The following KCNU1 variants were observed in gnomAD, a reference collection of about 807,000 sequenced individuals.
The protein encoded by KCNU1 is potassium channel subfamily U member 1.
In KCNU1, 93 loss-of-function variants were observed where a neutral mutation model predicts 126.8. That is an observed-to-expected ratio of 0.73 (90% confidence interval 0.62 to 0.87). KCNU1 has a LOEUF of 0.87. KCNU1 is among the 40% of genes least tolerant of loss of function. The pLI is 0.00. For synonymous variants in KCNU1, 523 were observed against 494.2 expected (o/e 1.06, Z -0.77); for missense variants, 1,330 against 1,367.1 (o/e 0.97, Z 0.43).
chr8:36,887,459 T>G (rs112406367), intron 19 of KCNU1, among the ~76,000 whole-genome samples: 16,007 of 149,896 alleles, frequency 0.11, 1,198 homozygotes, highest in Middle Eastern at 0.32. Flanking sequence ...TTTGTTTTTT[T>G]TTTTTTTTTT....
At chr8:36,884,736 G>A (rs1182207706) in intron 19 of KCNU1, among the ~76,000 whole-genome samples, 1 of 151,418 alleles carries the variant, frequency 6.6e-6, no homozygotes, top group Non-Finnish European at 1.5e-5. Flanking sequence ...ACAGAGTGAG[G>A]CTTCATCTCA....
intron 19 of KCNU1, among the ~76,000 whole-genome samples, chr8:36,887,085 G>A (rs573438902): frequency 4.6e-5 from 7 of 151,964 alleles, no homozygotes; most frequent in South Asian, 4.2e-4. Flanking sequence ...CTTTACAATT[G>A]TGAATTATGC....
At chr8:36,917,548 GTC>G (rs1463198214) in intron 22 of KCNU1, among the ~76,000 whole-genome samples, 1 of 151,220 alleles carries the variant, frequency 6.6e-6, no homozygotes, top group Non-Finnish European at 1.5e-5. Context: ...TAGAGAACAG[GTC>G]TCTCTATGTT....
chr8:36,791,644 C>T (rs1042628464), intron 2 of KCNU1, among the ~76,000 whole-genome samples: 1 of 152,070 alleles, frequency 6.6e-6, no homozygotes, highest in Admixed American at 6.6e-5. Context: ...ACAAATAAAG[C>T]ATCATAATTC....
chr8:36,927,258 T>G (rs905002832), intron 24 of KCNU1, among the ~76,000 whole-genome samples: 24 of 152,200 alleles, frequency 1.6e-4, no homozygotes, highest in African/African-American at 5.5e-4. Flanking sequence ...CCTCCAAACC[T>G]TCTGATACAG....
intron 20 of KCNU1, among the ~76,000 whole-genome samples, chr8:36,908,804 A>G (rs2117521908): frequency 6.6e-6 from 1 of 152,212 alleles, no homozygotes; most frequent in South Asian, 2.1e-4. Flanking sequence ...ACCCATAAAA[A>G]GGTAAATTCA....
chr8:36,844,145 G>A (rs1022112957), intron 16 of KCNU1, among the ~76,000 whole-genome samples: 3 of 152,140 alleles, frequency 2.0e-5, no homozygotes, highest in Non-Finnish European at 2.9e-5. Flanking sequence ...TTGGGAGGCC[G>A]AAGCAGGTGG....
intron 26 of KCNU1, among the ~76,000 whole-genome samples, chr8:36,934,910 A>G (rs2117625461): frequency 6.6e-6 from 1 of 152,150 alleles, no homozygotes; most frequent in East Asian, 1.9e-4. Flanking sequence ...AACGTTCACT[A>G]TTTGCTTGCC....
chr8:36,818,985 C>A (rs538882486), intron 10 of KCNU1, among the ~76,000 whole-genome samples: 40 of 152,220 alleles, frequency 2.6e-4, no homozygotes, highest in African/African-American at 9.6e-4. Flanking sequence ...TTATTATAAT[C>A]CAATTGAGAC....
chr8:36,854,998 C>T (rs1448435507), intron 18 of KCNU1, among the ~76,000 whole-genome samples: 1 of 152,070 alleles, frequency 6.6e-6, no homozygotes, highest in African/African-American at 2.4e-5. Flanking sequence ...CAGTCTTTGT[C>T]AAAGGATTCT....
intron 19 of KCNU1, among the ~76,000 whole-genome samples, chr8:36,902,657 C>T (rs1807464352): frequency 6.6e-6 from 1 of 152,056 alleles, no homozygotes; most frequent in Admixed American, 6.6e-5. Flanking sequence ...GGAAGCGACT[C>T]TTAGATAGAA....
In KCNU1 at chr8:36,835,218, T is replaced by C. The variant is rs187952864; in HGVS notation, c.1295+350T>C. ...TCTCCTCAAAAATGAAGATGCAATTTTATGAACCCTATTAGTGCACGTTAT... is the reference window on the plus strand; with the variant it reads ...TCTCCTCAAAAATGAAGATGCAATTCTATGAACCCTATTAGTGCACGTTAT... On this transcript the variant is annotated intron_variant, in intron 12 of 26. Transcript: ENST00000399881. Among the ~76,000 whole-genome samples the C allele has an allele frequency of 1.3e-4, 20 of 152,336 alleles. No homozygotes were observed. The East Asian group carries it at 3.7e-3, about 28-fold the overall frequency.
At chr8:36,906,886 G>T (rs1032033369) in intron 20 of KCNU1, among the ~76,000 whole-genome samples, 16 of 152,078 alleles carry the variant, frequency 1.1e-4, no homozygotes, top group Admixed American at 1.0e-3. Flanking sequence ...ATAAACATCC[G>T]TTGAGCAGGA....
chr8:36,885,794 A>G (rs1287829612), intron 19 of KCNU1, among the ~76,000 whole-genome samples: 1 of 152,148 alleles, frequency 6.6e-6, no homozygotes, highest in African/African-American at 2.4e-5. Context: ...CTCTGTCTAA[A>G]AAAAAAGAAA....
At chr8:36,816,049 T>C (rs1803897651) in intron 9 of KCNU1, among the ~76,000 whole-genome samples, 1 of 152,210 alleles carries the variant, frequency 6.6e-6, no homozygotes. Context: ...ATGGGTAACT[T>C]ATGGCTAACT....
At chr8:36,806,207 T>C in intron 4 of KCNU1, 62 bp from the exon 5 acceptor site, 1 of 958,002 alleles carries the variant, frequency 1.0e-6, no homozygotes, top group East Asian at 2.5e-5. Context: ...TAATGCTATC[T>C]AGTGTTCACT....
At chr8:36,902,653 G>A (rs909406554) in intron 19 of KCNU1, among the ~76,000 whole-genome samples, 5 of 152,176 alleles carry the variant, frequency 3.3e-5, no homozygotes, top group Admixed American at 2.0e-4. Context: ...TCTAGGAAGC[G>A]ACTCTTAGAT....
intron 22 of KCNU1, among the ~76,000 whole-genome samples, chr8:36,914,287 C>T (rs942114676): frequency 5.9e-5 from 9 of 152,316 alleles, no homozygotes; most frequent in Admixed American, 5.9e-4. Context: ...CAATTTATCT[C>T]CTGAGGTCAC....
chr8:36,806,614 T>G (rs1803512087), intron 5 of KCNU1, among the ~76,000 whole-genome samples: 1 of 152,186 alleles, frequency 6.6e-6, no homozygotes. Context: ...TTGACTGCAT[T>G]TGTAATGTGA....
Sources: allele counts gnomAD v4.1 joint callset (sites outside exome capture counted in the v4.1 genomes callset), GRCh38; gene constraint gnomAD v4.1.1; transcripts MANE v1.5; gene names NCBI Gene and HGNC (gene_info 2026-07-23, HGNC 2026-07-21).